NEGR1: variants seen among roughly 807,000 people sequenced by gnomAD.
NEGR1 encodes the protein IgLON family member 4.
A neutral mutation model predicts 40.9 loss-of-function variants in NEGR1; 10 were observed. That is an observed-to-expected ratio of 0.24 (90% CI 0.15 to 0.42). The LOEUF (loss-of-function observed/expected upper bound fraction) is 0.42, where lower values mean the gene tolerates loss of function less well. Ranked by LOEUF, NEGR1 falls within the 10% of genes least tolerant of loss-of-function variation. The pLI is 1.00. For missense variants in NEGR1, 352 were observed against 438.9 expected (o/e 0.80, Z 1.77); for synonymous variants, 185 against 166.8 (o/e 1.11, Z -0.84).
intron 2 of NEGR1, among the ~76,000 whole-genome samples, chr1:71,903,759 G>T (rs1231153512): frequency 6.6e-6 from 1 of 150,892 alleles, no homozygotes; most frequent in Non-Finnish European, 1.5e-5. Context: ...CTAATACATA[G>T]CCCTCTTATT....
intron 1 of NEGR1, among the ~76,000 whole-genome samples, chr1:72,011,632 C>G (rs926492692): frequency 6.6e-6 from 1 of 152,062 alleles, no homozygotes; most frequent in African/African-American, 2.4e-5. Context: ...AAAAGGCACT[C>G]AAACAGATTA....
At chr1:72,064,176 T>C (rs1272586502) in intron 1 of NEGR1, among the ~76,000 whole-genome samples, 1 of 152,026 alleles carries the variant, frequency 6.6e-6, no homozygotes, top group Non-Finnish European at 1.5e-5. Flanking sequence ...TAATTAGGTC[T>C]GTGTCATTTA....
chr1:71,466,463 A>G (rs977148033), intron 6 of NEGR1, among the ~76,000 whole-genome samples: 1 of 152,084 alleles, frequency 6.6e-6, no homozygotes, highest in Non-Finnish European at 1.5e-5. Context: ...AACCACGGGT[A>G]TAATAAATAA....
intron 1 of NEGR1, among the ~76,000 whole-genome samples, chr1:72,100,125 C>G (rs1409897076): frequency 6.6e-6 from 1 of 152,082 alleles, no homozygotes; most frequent in African/African-American, 2.4e-5. Context: ...TAAATTCTGT[C>G]TGATTGATTT....
intron 2 of NEGR1, among the ~76,000 whole-genome samples, chr1:71,805,024 G>C (rs1325808993): frequency 1.3e-5 from 2 of 152,104 alleles, no homozygotes; most frequent in South Asian, 4.2e-4. Context: ...CTGCTTTGGG[G>C]GTGGCTGTCT....
intron 6 of NEGR1, among the ~76,000 whole-genome samples, chr1:71,556,915 G>T (rs541371652): frequency 3.2e-4 from 49 of 151,726 alleles, no homozygotes; most frequent in Non-Finnish European, 4.9e-4. Context: ...ATAGCAAAAT[G>T]AAACACCTCA....
intron 1 of NEGR1, among the ~76,000 whole-genome samples, chr1:72,259,769 T>A (rs2100543586): frequency 6.6e-6 from 1 of 152,214 alleles, no homozygotes; most frequent in South Asian, 2.1e-4. Flanking sequence ...GGAAGACGAA[T>A]AATTGTTCTT....
chr1:72,248,408 TCAC>T (rs1200752115), intron 1 of NEGR1, among the ~76,000 whole-genome samples: 2 of 151,674 alleles, frequency 1.3e-5, no homozygotes, highest in African/African-American at 4.8e-5. Context: ...TTGGCGCTTG[TCAC>T]CACGCCTGGC....
intron 1 of NEGR1, among the ~76,000 whole-genome samples, chr1:72,103,532 G>A (rs1426530115): frequency 6.6e-6 from 1 of 152,006 alleles, no homozygotes; most frequent in Non-Finnish European, 1.5e-5. Context: ...CAGAAAATAG[G>A]CAGTCATTAT....
intron 3 of NEGR1, among the ~76,000 whole-genome samples, chr1:71,710,154 G>C (rs1442947765): frequency 6.6e-6 from 1 of 152,136 alleles, no homozygotes; most frequent in Non-Finnish European, 1.5e-5. Context: ...AACATCATTG[G>C]TCATCAGAGA....
chr1:71,586,829 G>A (rs1649324549), intron 6 of NEGR1, among the ~76,000 whole-genome samples: 1 of 152,112 alleles, frequency 6.6e-6, no homozygotes, highest in African/African-American at 2.4e-5. Flanking sequence ...GTCTGTGTGT[G>A]TTATTTTTGT....
chr1:71,672,161 A>G (rs1466647402), intron 4 of NEGR1, among the ~76,000 whole-genome samples: 1 of 152,176 alleles, frequency 6.6e-6, no homozygotes, highest in East Asian at 1.9e-4. Flanking sequence ...TTACCAGTTC[A>G]TTATTGGTTT....
At chr1:71,573,190 G>A (rs1055053512) in intron 6 of NEGR1, among the ~76,000 whole-genome samples, 24 of 152,122 alleles carry the variant, frequency 1.6e-4, no homozygotes, top group Admixed American at 1.0e-3. Flanking sequence ...TTAGCTACAT[G>A]AATAGAATAG....
chr1:71,640,376 T>C (rs983767836), intron 4 of NEGR1, among the ~76,000 whole-genome samples: 1 of 152,050 alleles, frequency 6.6e-6, no homozygotes, highest in Admixed American at 6.6e-5. Context: ...GATGCATTGA[T>C]ATCTCAGAGT....
rs547811202 is a variant in NEGR1, at chr1:71,973,035, T to C, written c.177-37724A>G. On this transcript the variant is annotated intron_variant, in intron 1 of 6. Transcript: ENST00000357731. The stretch of plus-strand genomic sequence containing the variant: ...TCAGAAATACCGAAGTTTTAAAATA[T>C]AAATTAGATCATTTTCTCTCAAATT... 5.3e-5 allele frequency among the ~76,000 whole-genome samples: 8 copies of C among 152,284 alleles called. No individual in the cohort carries two copies. The South Asian group carries it at 1.4e-3, about 28-fold the overall frequency.
At chr1:72,216,386 T>TATATATATATATACATATATATATAC (rs775495595) in intron 1 of NEGR1, among the ~76,000 whole-genome samples, 8 of 36,162 alleles carry the variant, frequency 2.2e-4, no homozygotes, top group South Asian at 1.8e-3. Flanking sequence ...TATATATACA[T>TATATATATATATACATATATATATAC]ATATATATAT....
At chr1:72,018,784 G>C (rs966664751) in intron 1 of NEGR1, among the ~76,000 whole-genome samples, 1 of 152,082 alleles carries the variant, frequency 6.6e-6, no homozygotes, top group African/African-American at 2.4e-5. Flanking sequence ...GGAGAAGGAG[G>C]ACTTTTTTCA....
chr1:71,955,084 GC>G (rs1557453628), intron 1 of NEGR1, among the ~76,000 whole-genome samples: 2 of 151,952 alleles, frequency 1.3e-5, no homozygotes, highest in Non-Finnish European at 2.9e-5. Context: ...CAAATTCTTG[GC>G]CCTTTGTACC....
At chr1:71,922,435 T>A (rs1645729840) in intron 2 of NEGR1, among the ~76,000 whole-genome samples, 1 of 152,218 alleles carries the variant, frequency 6.6e-6, no homozygotes, top group South Asian at 2.1e-4. Context: ...AATGAGTGCA[T>A]AATATCTTTC....
Sources: gnomAD v4.1 joint callset for allele counts (sites outside exome capture counted in the v4.1 genomes callset) on GRCh38, gnomAD v4.1.1 for gene constraint, MANE v1.5 for transcripts, NCBI Gene and HGNC (gene_info 2026-07-23, HGNC 2026-07-21) for gene names.